The following GATAD2A variants were observed in gnomAD, a reference collection of about 807,000 sequenced individuals.
GATAD2A encodes the protein GATA zinc finger domain containing 2A, also known as transcriptional repressor p66-alpha.
GATAD2A carries 12 observed loss-of-function variants against 68.5 expected under a neutral mutation model. That is an observed-to-expected ratio of 0.18 (90% CI 0.11 to 0.28). The LOEUF (loss-of-function observed/expected upper bound fraction) is 0.28, where lower values mean the gene tolerates loss of function less well. Ranked by LOEUF, GATAD2A falls within the 10% of genes least tolerant of loss-of-function variation. The pLI, the probability that GATAD2A is intolerant of heterozygous loss-of-function variation, is 1.00. For synonymous variants in GATAD2A, 410 were observed against 375.3 expected, an observed-to-expected ratio of 1.09 and a Z score of -1.07; for missense variants, 755 against 868.5, an observed-to-expected ratio of 0.87 and a Z score of 1.64.
At chr19:19,488,035 C>T (rs765286502) in intron 2 of GATAD2A, among the ~76,000 whole-genome samples, 9 of 152,214 alleles carry the variant, frequency 5.9e-5, no homozygotes, top group Non-Finnish European at 1.0e-4. Context: ...TCACGAGCTA[C>T]AGGTCATGGT....
intron 1 of GATAD2A, among the ~76,000 whole-genome samples, chr19:19,426,809 C>T (rs750882594): frequency 3.9e-5 from 6 of 152,206 alleles, no homozygotes; most frequent in Non-Finnish European, 7.3e-5. Context: ...CCACTGCCCC[C>T]GGCCTCCAGT....
chr19:19,429,252 C>CT lies in GATAD2A; in HGVS notation c.-7+23234dup, dbSNP rs2053455053. 5.1e-6 allele frequency: 5 copies of CT among 984,332 alleles called. No homozygotes were observed. The South Asian group carries it at 2.4e-4, about 46-fold the overall frequency. The allele number at this position is 984,332 out of a possible 1,614,324, so 61.0% of individuals were successfully genotyped here. On this transcript the variant is annotated intron_variant, in intron 1 of 11. Coordinates refer to ENST00000683918, the MANE Select transcript of GATAD2A (RefSeq NM_001384528.1). Reference sequence around the variant, plus strand: ...CAGCATCGTGGTCCATGGTGAGGGGCTGGGGGGGAGAGCTTGCCTGAGTAA... The same window carrying CT: ...CAGCATCGTGGTCCATGGTGAGGGGCTTGGGGGGGAGAGCTTGCCTGAGTAA...
chr19:19,502,589 C>A, intron 11 of GATAD2A, 63 bp downstream of exon 11: 1 of 1,305,190 alleles, frequency 7.7e-7, no homozygotes, highest in Non-Finnish European at 1.1e-6. Context: ...CCTTCCTTAA[C>A]CGAAACAGAG....
chr19:19,479,389 T>C (rs1228650682), intron 2 of GATAD2A, among the ~76,000 whole-genome samples: 1 of 152,208 alleles, frequency 6.6e-6, no homozygotes, highest in Non-Finnish European at 1.5e-5. Flanking sequence ...CCAGGGTCCA[T>C]GTATTATTTT....
chr19:19,396,280 C>T (rs1223244770), intron 1 of GATAD2A, among the ~76,000 whole-genome samples: 1 of 152,146 alleles, frequency 6.6e-6, no homozygotes, highest in African/African-American at 2.4e-5. Flanking sequence ...TGCCACTGCA[C>T]TCCAGCCTGG....
Position 19,435,909 on chromosome 19 carries a change from G to A in GATAD2A, c.-6-29431G>A, listed in dbSNP as rs184947626. ...TATTGGTGAAGACAGTGTCTGGGAC[G>A]TTGGCGTTCATTGGTTAGCACTGTA... On this transcript the variant is annotated intron_variant, in intron 1 of 11. Coordinates refer to ENST00000683918, the MANE Select transcript of GATAD2A (RefSeq NM_001384528.1). 1.1e-4 allele frequency among the ~76,000 whole-genome samples: 16 copies of A among 152,330 alleles called. No individual in the cohort carries two copies. In the East Asian group the frequency reaches 2.9e-3, roughly 28 times the overall value.
chr19:19,505,389 G>A lies in GATAD2A; in HGVS notation c.1820G>A (p.Ser607Asn). 1.2e-6 allele frequency: 2 copies of A among 1,613,274 alleles called. No homozygotes were observed. The highest frequency in any genetic ancestry group is 1.7e-6 in the Non-Finnish European group (2 of 1,179,688). ...AGCCCAAGCCTGGCGGTGCACAAGA[G>A]CTCCTCGGCCGTGGACCGCCAGCGA... ...FVSPSLAVHK[S>N]SSAVDRQREY... Residue 607 changes from serine to asparagine, a missense_variant, in exon 12 of 12, where the codon AGC becomes AAC. Coordinates refer to ENST00000683918, the MANE Select transcript of GATAD2A (RefSeq NM_001384528.1).
intron 11 of GATAD2A, among the ~76,000 whole-genome samples, chr19:19,504,449 T>C (rs2144543371): frequency 6.6e-6 from 1 of 152,212 alleles, no homozygotes; most frequent in East Asian, 1.9e-4. Context: ...AATGTGTGTC[T>C]TGCGTTGGCT....
intron 2 of GATAD2A, among the ~76,000 whole-genome samples, chr19:19,478,251 C>A (rs1008255862): frequency 5.3e-5 from 8 of 152,112 alleles, no homozygotes; most frequent in Admixed American, 5.2e-4. Context: ...TCTGTGGGCC[C>A]CAGACAGCAG....
At chr19:19,486,754 C>T (rs1160097098) in intron 2 of GATAD2A, among the ~76,000 whole-genome samples, 6 of 152,190 alleles carry the variant, frequency 3.9e-5, no homozygotes, top group African/African-American at 1.4e-4. Flanking sequence ...GCCTGATCCC[C>T]CTGCAGCCAG....
At chr19:19,448,314 C>T (rs1398235705) in intron 1 of GATAD2A, among the ~76,000 whole-genome samples, 1 of 152,242 alleles carries the variant, frequency 6.6e-6, no homozygotes, top group Admixed American at 6.5e-5. Context: ...CTCTCTGGGG[C>T]CGCAGGGTTG....
intron 2 of GATAD2A, among the ~76,000 whole-genome samples, chr19:19,474,749 G>A (rs1213556238): frequency 1.3e-5 from 2 of 152,004 alleles, no homozygotes; most frequent in South Asian, 2.1e-4. Flanking sequence ...GTGGTTAGTC[G>A]TTTTAGAGAA....
intron 1 of GATAD2A, chr19:19,436,094 G>A (rs2054306474): frequency 8.9e-7 from 1 of 1,127,010 alleles, no homozygotes; most frequent in Non-Finnish European, 1.2e-6. Context: ...AACCTTGCTT[G>A]GAAACACAGT....
At position 19,507,275 on chromosome 19, in the gene GATAD2A, G is replaced by A. The variant is rs1022031739; in HGVS notation, c.*1801G>A. On this transcript the variant is annotated 3_prime_UTR_variant, in exon 12 of 12. Coordinates refer to ENST00000683918, the MANE Select transcript of GATAD2A (RefSeq NM_001384528.1). ...CCAAAAAAAAAAAAAAAAATCAAGA[G>A]TATGCAAGCATTTCTATTCCTCGCA... is the stretch of plus-strand genomic sequence containing the variant. 2 of 148,444 alleles carry A rather than the reference G, an allele frequency of 1.3e-5. No individual in the cohort carries two copies. The highest frequency in any genetic ancestry group is 5.0e-5 in the African/African-American group (2 of 40,312). 9.2% of individuals were successfully genotyped at this position (148,444 alleles called of 1,614,324 possible).
At chr19:19,430,340 T>G (rs1247731993) in intron 1 of GATAD2A, among the ~76,000 whole-genome samples, 1 of 152,154 alleles carries the variant, frequency 6.6e-6, no homozygotes, top group African/African-American at 2.4e-5. Flanking sequence ...CTTTCCAGAT[T>G]GAGCTGGGGA....
At chr19:19,409,729 A>C (rs1346284482) in intron 1 of GATAD2A, among the ~76,000 whole-genome samples, 1 of 116,674 alleles carries the variant, frequency 8.6e-6, no homozygotes, top group East Asian at 1.9e-4. Flanking sequence ...GGAAATAGTG[A>C]GACCCGTACT....
At chr19:19,386,624 C>G (rs756037045) in intron 1 of GATAD2A, among the ~76,000 whole-genome samples, 3 of 151,962 alleles carry the variant, frequency 2.0e-5, no homozygotes, top group Non-Finnish European at 4.4e-5. Flanking sequence ...CCCCACCTCT[C>G]TAGGGGACCC....
At chr19:19,445,876 C>T (rs1304118218) in intron 1 of GATAD2A, among the ~76,000 whole-genome samples, 1 of 152,170 alleles carries the variant, frequency 6.6e-6, no homozygotes, top group Non-Finnish European at 1.5e-5. Flanking sequence ...TTGCTTTTAA[C>T]ATTCACCTGC....
At chr19:19,488,154 C>T (rs995720947) in intron 2 of GATAD2A, among the ~76,000 whole-genome samples, 17 of 152,228 alleles carry the variant, frequency 1.1e-4, no homozygotes, top group Admixed American at 6.5e-4. Context: ...ATACAAGTTC[C>T]GGAGAAGCTG....
Sources: allele counts gnomAD v4.1 joint callset (sites outside exome capture counted in the v4.1 genomes callset), GRCh38; gene constraint gnomAD v4.1.1; transcripts MANE v1.5; gene names NCBI Gene and HGNC (gene_info 2026-07-23, HGNC 2026-07-21).